PTK2: variants seen among roughly 807,000 people sequenced by gnomAD.
PTK2 encodes focal adhesion kinase 1.
In PTK2, 45 loss-of-function variants were observed where a neutral mutation model predicts 150.1. That is an observed-to-expected ratio of 0.30 (90% CI 0.24 to 0.38). PTK2 has a LOEUF of 0.38. Among genes scored for constraint, PTK2 ranks in the 10% least tolerant of loss-of-function variants. The probability of loss-of-function intolerance (pLI) is 1.00; values close to 1 mark genes in which losing one functional copy is unlikely to be tolerated. For missense variants in PTK2, 919 were observed against 1,307.3 expected, an observed-to-expected ratio of 0.70 and a Z score of 4.58; for synonymous variants, 432 against 449.2, an observed-to-expected ratio of 0.96 and a Z score of 0.48.
In PTK2 at chr8:140,752,320, T is replaced by C. The variant is rs769932927; in HGVS notation, c.1333-4A>G. 3.7e-6 allele frequency: 6 copies of C among 1,612,878 alleles called. No individual in the cohort carries two copies. Among genetic ancestry groups the C allele is most frequent in the Non-Finnish European group, 5.1e-6 (6 of 1,179,088 alleles). On this transcript the variant is annotated splice_polypyrimidine_tract_variant and splice_region_variant and intron_variant, in intron 16 of 31. Coordinates refer to ENST00000522684, the Ensembl canonical transcript of PTK2. ...CAACCGCCAAAGCTGGATTCTCCTG[T>C]GTTAGGGAAATTATAGAATCACACA...
chr8:140,659,822 T>C (rs898005370), intron 31 of PTK2, 144 bp from the exon 36 acceptor site: 2 of 715,362 alleles, frequency 2.8e-6, no homozygotes, highest in Non-Finnish European at 2.3e-6. Context: ...TCCCACTAGC[T>C]GGGAACACAG....
intron 1 of PTK2, among the ~76,000 whole-genome samples, chr8:140,929,212 G>A (rs1470999892): frequency 6.6e-6 from 1 of 151,512 alleles, no homozygotes; most frequent in African/African-American, 2.4e-5. Flanking sequence ...TGATCCGCCC[G>A]CCTCGGCCTC....
intron 2 of PTK2, among the ~76,000 whole-genome samples, chr8:140,919,574 G>A (rs1276847518): frequency 6.6e-6 from 1 of 152,084 alleles, no homozygotes; most frequent in Non-Finnish European, 1.5e-5. Context: ...TACAATGGAG[G>A]TGGCAATATG....
intron 27 of PTK2, among the ~76,000 whole-genome samples, chr8:140,679,032 T>A (rs1470026597): frequency 7.9e-5 from 6 of 75,820 alleles, no homozygotes; most frequent in African/African-American, 2.5e-4. Flanking sequence ...TTTTTTTTTT[T>A]TTTTTTTTTT....
At chr8:140,939,071 G>C (rs1470476266) in intron 1 of PTK2, among the ~76,000 whole-genome samples, 2 of 151,986 alleles carry the variant, frequency 1.3e-5, no homozygotes, top group Non-Finnish European at 2.9e-5. Context: ...ATAAAAGTAG[G>C]GTTGGGGAAG....
At chr8:140,664,921 C>T (rs753234670) in exon 31 of PTK2, 7 of 1,613,120 alleles carry the variant, frequency 4.3e-6, no homozygotes, top group African/African-American at 1.3e-5. Flanking sequence ...CCCTACCTCT[C>T]GGTGGGTGCT....
intron 2 of PTK2, among the ~76,000 whole-genome samples, chr8:140,906,005 A>C (rs539424430): frequency 6.9e-6 from 1 of 145,382 alleles, no homozygotes; most frequent in African/African-American, 2.5e-5. Flanking sequence ...TCCTGTCTCT[A>C]AAAAAAAAAA....
At chr8:140,841,647 T>C (rs531920501) in intron 7 of PTK2, among the ~76,000 whole-genome samples, 24 of 151,958 alleles carry the variant, frequency 1.6e-4, no homozygotes, top group Admixed American at 2.6e-4. Context: ...TACACATAGT[T>C]GAAAGAAAAT....
intron 1 of PTK2, among the ~76,000 whole-genome samples, chr8:140,986,936 C>T (rs538445770): frequency 6.6e-6 from 1 of 152,126 alleles, no homozygotes; most frequent in South Asian, 2.1e-4. Context: ...TCAGAAAAAC[C>T]TTTGTGGCCT....
chr8:140,987,445 T>C (rs544735336), intron 1 of PTK2, among the ~76,000 whole-genome samples: 14 of 152,338 alleles, frequency 9.2e-5, no homozygotes, highest in African/African-American at 2.6e-4. Context: ...CCTCCCAAAG[T>C]GCTGGGATTA....
chr8:140,847,085 G>T (rs958795427), intron 5 of PTK2, among the ~76,000 whole-genome samples: 4 of 152,156 alleles, frequency 2.6e-5, no homozygotes, highest in Non-Finnish European at 5.9e-5. Context: ...ATAACCTTCA[G>T]ATGCTCCACA....
At chr8:140,825,172 G>A (rs562621184) in intron 8 of PTK2, among the ~76,000 whole-genome samples, 2 of 152,282 alleles carry the variant, frequency 1.3e-5, no homozygotes, top group South Asian at 2.1e-4. Flanking sequence ...AGCGCGTGAA[G>A]AGAGCCTCTT....
chr8:140,669,606 G>T lies in PTK2; in HGVS notation c.2710-1182C>A, dbSNP rs1002382843. ...TTGGCATCTGTCAGTCATGAGAGGT[G>T]ACAAAGCAGGCCGAAGTGCCCTCCC... On this transcript the variant is annotated intron_variant, in intron 29 of 31. Transcript: ENST00000522684. 8 of 1,128,590 alleles carry T rather than the reference G, an allele frequency of 7.1e-6. No homozygotes were observed. The African/African-American group carries it at 7.7e-5, about 11-fold the overall frequency. 69.9% of individuals were successfully genotyped at this position (1,128,590 alleles called of 1,614,324 possible). A position where few individuals can be genotyped will look rare whatever the true frequency, so the allele number is the denominator to read the frequency against.
intron 26 of PTK2, among the ~76,000 whole-genome samples, chr8:140,693,602 A>AGG (rs1564499354): frequency 8.4e-6 from 1 of 119,730 alleles, no homozygotes; most frequent in East Asian, 2.5e-4. Flanking sequence ...AAAAAAAAAA[A>AGG]GGAGCACTAG....
chr8:140,939,833 T>G (rs2100175034), intron 1 of PTK2, among the ~76,000 whole-genome samples: 1 of 152,218 alleles, frequency 6.6e-6, no homozygotes, highest in Non-Finnish European at 1.5e-5. Flanking sequence ...ATAATCTCGA[T>G]GTCACAAATT....
chr8:140,676,004 AC>A lies in PTK2; in HGVS notation c.2563-506del, dbSNP rs577326640. Among the ~76,000 whole-genome samples, 8 of 152,338 alleles carry A rather than the reference AC, an allele frequency of 5.3e-5. No individual in the cohort carries two copies. In the South Asian group the frequency reaches 1.7e-3, roughly 32 times the overall value. ...TCCCAATATCCAAGATACAGAATCAACCTAAGTGTCCATCAATGAATGTCTG... is the reference window on the plus strand; with the variant it reads ...TCCCAATATCCAAGATACAGAATCAACTAAGTGTCCATCAATGAATGTCTG... On this transcript the variant is annotated intron_variant, in intron 27 of 31. Transcript: ENST00000522684.
chr8:140,873,709 G>A (rs4074814), intron 4 of PTK2, among the ~76,000 whole-genome samples: 7 of 151,952 alleles, frequency 4.6e-5, no homozygotes, highest in Non-Finnish European at 7.4e-5. Context: ...CAGGTGATTC[G>A]CCCACCTTGG....
Position 140,898,665 on chromosome 8 carries a change from A to G in PTK2, c.-32-7896T>C, listed in dbSNP as rs918192251. ...ATAATGCAGCACATACAAAAAAGGG[A>G]AAAAAATGCAACGAACATAATAAAC... On this transcript the variant is annotated intron_variant, in intron 2 of 31. Transcript: ENST00000522684. Among the ~76,000 whole-genome samples, 7 of 152,254 alleles carry G rather than the reference A, an allele frequency of 4.6e-5. No individual in the cohort carries two copies. The South Asian group carries it at 8.3e-4, about 18-fold the overall frequency.
At chr8:140,821,735 T>C (rs1177548264) in intron 8 of PTK2, 1 of 152,250 alleles carries the variant, frequency 6.6e-6, no homozygotes, top group Non-Finnish European at 1.5e-5. Flanking sequence ...TAGTTGGTTT[T>C]AACCAGGGCT....
Sources: allele counts gnomAD v4.1 joint callset (sites outside exome capture counted in the v4.1 genomes callset), GRCh38; gene constraint gnomAD v4.1.1; transcripts MANE v1.5; gene names NCBI Gene and HGNC (gene_info 2026-07-23, HGNC 2026-07-21).